DENND2C: variants seen among roughly 807,000 people sequenced by gnomAD.
The protein encoded by DENND2C is DENN domain containing 2C, also known as DENN domain-containing protein 2C.
Under a neutral mutation model 112.4 loss-of-function variants are expected in DENND2C, and 72 were observed. That is an observed-to-expected ratio of 0.64 (90% confidence interval 0.53 to 0.78). The LOEUF (loss-of-function observed/expected upper bound fraction) is 0.78, where lower values mean the gene tolerates loss of function less well. Among genes scored for constraint, DENND2C ranks in the 30% least tolerant of loss-of-function variants. DENND2C has a pLI of 0.00. For synonymous variants in DENND2C, 329 were observed against 381.6 expected, an observed-to-expected ratio of 0.86 and a Z score of 1.61; for missense variants, 992 against 1,113.8, an observed-to-expected ratio of 0.89 and a Z score of 1.56.
intron 17 of DENND2C, among the ~76,000 whole-genome samples, chr1:114,594,826 C>T (rs1655298910): frequency 6.6e-6 from 1 of 152,290 alleles, no homozygotes; most frequent in South Asian, 2.1e-4. Context: ...CTCTCATCTA[C>T]AAGTCTTCTG....
intron 3 of DENND2C, among the ~76,000 whole-genome samples, chr1:114,633,125 T>C (rs1256650898): frequency 6.6e-6 from 1 of 152,100 alleles, no homozygotes; most frequent in Non-Finnish European, 1.5e-5. Flanking sequence ...GTGTTGTAAG[T>C]TTCTCTAACC....
At chr1:114,647,765 C>T (rs180704810) in intron 2 of DENND2C, among the ~76,000 whole-genome samples, 32 of 152,000 alleles carry the variant, frequency 2.1e-4, no homozygotes, top group Non-Finnish European at 3.1e-4. Flanking sequence ...TAAGTGTTTA[C>T]ATTTGCCAGG....
intron 10 of DENND2C, among the ~76,000 whole-genome samples, chr1:114,605,796 A>G (rs1401160350): frequency 1.3e-5 from 2 of 152,190 alleles, no homozygotes; most frequent in Non-Finnish European, 2.9e-5. Context: ...TGTCTCAAAA[A>G]AAGAAAACAT....
chr1:114,641,353 T>C (rs1393858775), intron 3 of DENND2C, among the ~76,000 whole-genome samples: 1 of 151,850 alleles, frequency 6.6e-6, no homozygotes, highest in Non-Finnish European at 1.5e-5. Context: ...AACAAATATA[T>C]AGCTGATACA....
At chr1:114,595,135 G>C (rs1215157730) in intron 17 of DENND2C, among the ~76,000 whole-genome samples, 1 of 152,158 alleles carries the variant, frequency 6.6e-6, no homozygotes, top group African/African-American at 2.4e-5. Flanking sequence ...TAAGACCTGA[G>C]GGTTCAAACT....
intron 3 of DENND2C, among the ~76,000 whole-genome samples, chr1:114,642,827 AG>A (rs770334930): frequency 2.9e-4 from 44 of 152,252 alleles, no homozygotes; most frequent in Non-Finnish European, 5.6e-4. Flanking sequence ...ACTGGAATAC[AG>A]TAACTGCTCA....
rs1655034595 is a variant in DENND2C at position 114,586,278 on chromosome 1, A to G, written c.2756-647T>C. On this transcript the variant is annotated intron_variant, in intron 20 of 20. Coordinates refer to ENST00000393274, the MANE Select transcript of DENND2C (RefSeq NM_001256404.2). ...TTTGCCTCAGAAGTCCCTCTAAACC[A>G]AGTGTTTTTAATCTGGAGTACCAAA... Among the ~76,000 whole-genome samples, 3 of 152,172 alleles carry G rather than the reference A, an allele frequency of 2.0e-5. 1 individual carries two copies. In the South Asian group the frequency reaches 6.2e-4, roughly 32 times the overall value.
chr1:114,601,050 C>T, intron 13 of DENND2C, 90 bp from the exon 14 acceptor site: 1 of 1,375,422 alleles, frequency 7.3e-7, no homozygotes, highest in Non-Finnish European at 9.7e-7. Context: ...GGTGTACAAA[C>T]TTTAAAATAA....
At chr1:114,611,794 C>T (rs1655825077) in intron 8 of DENND2C, among the ~76,000 whole-genome samples, 1 of 151,456 alleles carries the variant, frequency 6.6e-6, no homozygotes, top group Non-Finnish European at 1.5e-5. Context: ...CACACACACA[C>T]ACACACACAC....
At chr1:114,640,086 TG>T (rs1321828813) in intron 3 of DENND2C, among the ~76,000 whole-genome samples, 3 of 152,222 alleles carry the variant, frequency 2.0e-5, no homozygotes, top group South Asian at 2.1e-4. Context: ...CTGGGCTAAA[TG>T]GTTTGTTTTT....
At position 114,600,863 on chromosome 1, in the gene DENND2C, C is replaced by G. The variant is rs766659862; in HGVS notation, c.1913G>C (p.Arg638Pro). ...GAGGTAACTCTTAACTGTGATGGTGCGTCCAGGAGCTGGGAAAGGAGCTTC... is the reference window on the plus strand; with the variant it reads ...GAGGTAACTCTTAACTGTGATGGTGGGTCCAGGAGCTGGGAAAGGAGCTTC... Reference protein sequence around the residue: ...VMEAPFPAPGRTITVKSYLPG... With the variant: ...VMEAPFPAPGPTITVKSYLPG... The change falls in exon 14 of 21, where the codon CGC (arginine) becomes CCC (proline). Residue 638 changes from arginine to proline, a missense_variant. By Grantham distance (103) the Arg-to-Pro change is moderately radical. Around this residue, in one of 3 missense-constraint regions of DENND2C, gnomAD observed 516 missense variants for 623.6 expected, o/e 0.83. Coordinates refer to ENST00000393274, the MANE Select transcript of DENND2C (RefSeq NM_001256404.2). 6.2e-7 allele frequency: 1 copy of G among 1,613,816 alleles called. No individual in the cohort carries two copies. The highest frequency in any genetic ancestry group is 8.5e-7 in the Non-Finnish European group (1 of 1,179,906).
intron 2 of DENND2C, among the ~76,000 whole-genome samples, chr1:114,650,542 C>T (rs1218863734): frequency 4.7e-5 from 7 of 149,322 alleles, no homozygotes; most frequent in African/African-American, 1.2e-4. Context: ...GGCATAGTGG[C>T]GGGCGCCTGT....
chr1:114,637,847 A>T (rs753218764), intron 3 of DENND2C, among the ~76,000 whole-genome samples: 1 of 152,142 alleles, frequency 6.6e-6, no homozygotes, highest in African/African-American at 2.4e-5. Context: ...ATAAAAAATT[A>T]TCTCAAAATT....
chr1:114,630,175 T>C (rs1312117612), intron 3 of DENND2C, among the ~76,000 whole-genome samples: 1 of 151,754 alleles, frequency 6.6e-6, no homozygotes, highest in African/African-American at 2.4e-5. Flanking sequence ...CATGGTGGCA[T>C]ACGCCTGTCA....
intron 2 of DENND2C, among the ~76,000 whole-genome samples, 186 bp downstream of exon 2, chr1:114,654,319 C>A (rs1657247493): frequency 6.6e-6 from 1 of 152,076 alleles, no homozygotes; most frequent in South Asian, 2.1e-4. Context: ...GTAGTCCCAG[C>A]TACTCAGGAG....
chr1:114,590,516 C>T (rs947603721), intron 18 of DENND2C, among the ~76,000 whole-genome samples: 28 of 152,104 alleles, frequency 1.8e-4, no homozygotes, highest in Admixed American at 1.3e-4. Context: ...CGGTGGCTCA[C>T]GCCTGTAATC....
intron 11 of DENND2C, among the ~76,000 whole-genome samples, chr1:114,602,890 T>C (rs1655552571): frequency 6.6e-6 from 1 of 152,180 alleles, no homozygotes; most frequent in East Asian, 1.9e-4. Context: ...GAATGCCCAA[T>C]TTAGTCAAAC....
rs1165004151 is a variant in DENND2C at position 114,600,747 on chromosome 1, C to G, written c.1956+73G>C. 3 of 1,538,684 alleles carry G rather than the reference C, an allele frequency of 1.9e-6. No individual in the cohort carries two copies. In the African/African-American group the frequency reaches 4.2e-5, roughly 21 times the overall value. On this transcript the variant is annotated intron_variant, in intron 14 of 20. Coordinates refer to ENST00000393274, the MANE Select transcript of DENND2C (RefSeq NM_001256404.2). The stretch of plus-strand genomic sequence containing the variant: ...GAAAAGGGAAATCTATCCCCTTGGG[C>G]TCTGGAAACTGCCTACTAGTGTAAG...
At chr1:114,592,517 A>G (rs1368471539) in intron 18 of DENND2C, among the ~76,000 whole-genome samples, 1 of 152,040 alleles carries the variant, frequency 6.6e-6, no homozygotes, top group African/African-American at 2.4e-5. Flanking sequence ...CAGGAGTTCA[A>G]GATCAGCCTG....
Sources: gnomAD v4.1 joint callset for allele counts (sites outside exome capture counted in the v4.1 genomes callset) on GRCh38, gnomAD v4.1.1 for gene constraint, gnomAD v4.1.1 regional missense constraint, MANE v1.5 for transcripts, NCBI Gene and HGNC (gene_info 2026-07-23, HGNC 2026-07-21) for gene names.